The following TRIM14 variants were observed in gnomAD, a reference collection of about 807,000 sequenced individuals.
TRIM14 encodes tripartite motif-containing protein 14.
TRIM14 carries 28 observed loss-of-function variants against 44.5 expected under a neutral mutation model. That is an observed-to-expected ratio of 0.63 (90% CI 0.47 to 0.86). The LOEUF is 0.86. TRIM14 is among the 40% of genes least tolerant of loss of function. The pLI is 0.00. For missense variants in TRIM14, 607 were observed against 611.1 expected (o/e 0.99, Z 0.07); for synonymous variants, 299 against 269.2 (o/e 1.11, Z -1.08).
chr9:98,087,113 C>T lies in TRIM14; in HGVS notation c.*357G>A, dbSNP rs1169143138. The T allele has an allele frequency of 4.5e-5, 23 of 512,312 alleles. No homozygotes were observed. The East Asian group carries it at 5.4e-4, about 12-fold the overall frequency. 31.7% of individuals were successfully genotyped at this position (512,312 alleles called of 1,614,324 possible). A position where few individuals can be genotyped will look rare whatever the true frequency, so the allele number is the denominator to read the frequency against. On this transcript the variant is annotated 3_prime_UTR_variant, in exon 6 of 6. Transcript: ENST00000341469. ...TGTGTGCCTACTATGTGTCAGGTTC[C>T]TGTGCTGTACGAGGGAGAAGGTTCC... is the stretch of plus-strand genomic sequence containing the variant.
intron 6 of TRIM14, among the ~76,000 whole-genome samples, chr9:98,079,344 A>G (rs1298405937): frequency 3.9e-5 from 6 of 152,236 alleles, no homozygotes; most frequent in East Asian, 3.8e-4. Flanking sequence ...AATTCTATCT[A>G]TCTATCCACA....
chr9:98,048,471 G>A, the TRIM14 span, among the ~76,000 whole-genome samples: 1 of 152,132 alleles, frequency 6.6e-6, no homozygotes, highest in Non-Finnish European at 1.5e-5. Flanking sequence ...TATGTGTTGT[G>A]CGTGTGATGT....
chr9:98,110,346 C>T (rs780300867), intron 1 of TRIM14: 5 of 253,834 alleles, frequency 2.0e-5, no homozygotes, highest in Non-Finnish European at 3.9e-5. Context: ...TAACTGAGCA[C>T]CTATTATGTG....
At chr9:98,057,898 T>TA in the TRIM14 span, among the ~76,000 whole-genome samples, 5 of 149,310 alleles carry the variant, frequency 3.3e-5, no homozygotes, top group Admixed American at 2.0e-4. Context: ...GGTTTTCTCT[T>TA]ACTGTTTTTT....
chr9:98,090,396 G>C (rs1180358598), intron 5 of TRIM14, among the ~76,000 whole-genome samples: 1 of 152,180 alleles, frequency 6.6e-6, no homozygotes, highest in Non-Finnish European at 1.5e-5. Context: ...AGTCCTAGAA[G>C]TCTGGAGAGT....
rs1715780191 is a variant in TRIM14, at chr9:98,070,839, C to G, written c.*29-1152G>C. 4.0e-5 allele frequency among the ~76,000 whole-genome samples: 6 copies of G among 149,900 alleles called. No homozygotes were observed. The South Asian group carries it at 1.3e-3, about 32-fold the overall frequency. On this transcript the variant is annotated intron_variant, in intron 6 of 6. Coordinates refer to the TRIM14 transcript ENST00000375098. Reference sequence around the variant, plus strand: ...TTTTTTTTTGAGACAGGGTCTCACTCTGTTGCCCAGGCTGGAGAGTAGCAG... The same window carrying G: ...TTTTTTTTTGAGACAGGGTCTCACTGTGTTGCCCAGGCTGGAGAGTAGCAG...
chr9:98,038,175 T>C, the TRIM14 span, among the ~76,000 whole-genome samples: 2 of 152,066 alleles, frequency 1.3e-5, no homozygotes, highest in Non-Finnish European at 2.9e-5. Context: ...CTCAGCCTCC[T>C]GAGTAGCTGG....
rs113194074 is a variant in TRIM14 at position 98,104,521 on chromosome 9, G to C, written c.304-4357C>G. Among the ~76,000 whole-genome samples the C allele has an allele frequency of 9.2e-3, 1,395 of 152,276 alleles. 19 individuals are homozygous for C. Among genetic ancestry groups the C allele is most frequent in the African/African-American group, 0.032 (1,321 of 41,548 alleles). On this transcript the variant is annotated intron_variant, in intron 2 of 5. Transcript: ENST00000341469. ...TGATTATGCAATATGGTCAGAAAGGGGTAGAGAGAGAGAGGGAAGGGGAGA... is the reference window on the plus strand; with the variant it reads ...TGATTATGCAATATGGTCAGAAAGGCGTAGAGAGAGAGAGGGAAGGGGAGA...
intron 6 of TRIM14, among the ~76,000 whole-genome samples, chr9:98,074,192 G>A (rs1269486397): frequency 6.6e-6 from 1 of 152,214 alleles, no homozygotes; most frequent in Non-Finnish European, 1.5e-5. Flanking sequence ...GCAGGGTAGT[G>A]TTTCTCCCAA....
chr9:98,106,829 T>C (rs1025100884), intron 2 of TRIM14, among the ~76,000 whole-genome samples: 9 of 149,266 alleles, frequency 6.0e-5, no homozygotes, highest in African/African-American at 7.3e-5. Context: ...TTTCTTCTTT[T>C]TTTTTTTTTT....
At chr9:98,108,068 C>CACACATACCATCCTT (rs1826690554) in intron 2 of TRIM14, among the ~76,000 whole-genome samples, 1 of 150,482 alleles carries the variant, frequency 6.6e-6, no homozygotes, top group Admixed American at 6.6e-5. Flanking sequence ...TAAAACTATA[C>CACACATACCATCCTT]ACACATACCA....
intron 1 of TRIM14, 29 bp downstream of exon 1, chr9:98,118,953 G>A (rs1488552021): frequency 1.3e-6 from 2 of 1,481,610 alleles, no homozygotes; most frequent in Non-Finnish European, 1.8e-6. Flanking sequence ...CAACTCCCGC[G>A]CGGCGAACCC....
rs889798201 is a variant in TRIM14 at position 98,087,025 on chromosome 9, A to T, written c.*445T>A. ...TCGGTGGGGAGGAAGCGGAAGATTCAAGGGACCTCAAGAGACAGAAGAGTC... is the reference window on the plus strand; with the variant it reads ...TCGGTGGGGAGGAAGCGGAAGATTCTAGGGACCTCAAGAGACAGAAGAGTC... On this transcript the variant is annotated 3_prime_UTR_variant, in exon 6 of 6. Transcript: ENST00000341469. 1 of 293,890 alleles carries T rather than the reference A, an allele frequency of 3.4e-6. No homozygotes were observed. Among genetic ancestry groups the T allele is most frequent in the East Asian group, 9.9e-5 (1 of 10,088 alleles). The allele number at this position is 293,890 out of a possible 1,614,324, so 18.2% of individuals were successfully genotyped here. A position where few individuals can be genotyped will look rare whatever the true frequency, so the allele number is the denominator to read the frequency against.
chr9:98,111,822 C>G (rs1186187258), intron 1 of TRIM14, among the ~76,000 whole-genome samples: 1 of 152,078 alleles, frequency 6.6e-6, no homozygotes, highest in Non-Finnish European at 1.5e-5. Flanking sequence ...CCTGTAATCC[C>G]AGCTACTCGG....
chr9:98,068,361 A>T (rs1035294217), downstream of TRIM14, among the ~76,000 whole-genome samples: 16 of 151,892 alleles, frequency 1.1e-4, no homozygotes, highest in African/African-American at 3.6e-4. Context: ...GCTGGTCTCG[A>T]ACTCCTGATC....
intron 5 of TRIM14, 43 bp from the exon 6 acceptor site, chr9:98,088,048 A>G: frequency 2.1e-6 from 3 of 1,412,540 alleles, no homozygotes; most frequent in African/African-American, 1.5e-5. Flanking sequence ...GGGCGGGGCC[A>G]GCGCGGCGCC....
chr9:98,060,664 C>T, the TRIM14 span: 11 of 1,024,488 alleles, frequency 1.1e-5, no homozygotes, highest in Non-Finnish European at 1.5e-5. Context: ...GAGCGAAACT[C>T]TGTCTCTAAA....
intron 6 of TRIM14, among the ~76,000 whole-genome samples, chr9:98,072,452 C>T (rs1229334635): frequency 6.6e-6 from 1 of 151,276 alleles, no homozygotes; most frequent in African/African-American, 2.4e-5. Flanking sequence ...CGCTGTGTCG[C>T]CCAAGCTGGA....
At chr9:98,053,410 TCA>T in the TRIM14 span, among the ~76,000 whole-genome samples, 1 of 152,176 alleles carries the variant, frequency 6.6e-6, no homozygotes, top group Admixed American at 6.6e-5. Context: ...TTTCAGGGAC[TCA>T]CAGAAAAGTT....
Sources: allele counts gnomAD v4.1 joint callset (sites outside exome capture counted in the v4.1 genomes callset), GRCh38; gene constraint gnomAD v4.1.1; transcripts MANE v1.5; gene names NCBI Gene and HGNC (gene_info 2026-07-23, HGNC 2026-07-21).